Variants in TUBGCP6 observed in about 807,000 individuals in gnomAD.
TUBGCP6 encodes the protein tubulin gamma complex component 6.
TUBGCP6 carries 161 observed loss-of-function variants against 175.8 expected under a neutral mutation model. That is an observed-to-expected ratio of 0.92 (90% CI 0.81 to 1.04). The LOEUF (loss-of-function observed/expected upper bound fraction) is 1.04. TUBGCP6 is among the 50% of genes least tolerant of loss of function. TUBGCP6 has a pLI of 0.00. For missense variants in TUBGCP6, 2,572 were observed against 2,433.0 expected (o/e 1.06, Z -1.20); for synonymous variants, 1,173 against 1,030.5 (o/e 1.14, Z -2.65).
intron 2 of TUBGCP6, among the ~76,000 whole-genome samples, chr22:50,239,022 G>A (rs544789821): frequency 4.2e-4 from 64 of 152,266 alleles, no homozygotes; most frequent in African/African-American, 1.4e-3. Context: ...CAGGCTGCCA[G>A]AGCCCAGCCA....
In TUBGCP6 at chr22:50,244,113, T is replaced by C. The variant is rs777929101; in HGVS notation, c.347A>G (p.Gln116Arg). ...TTGAGGGGGACCACTCCCTGCCAGC[T>C]GAACCAGGAGGTCCAAAACAGACCC... is the stretch of plus-strand genomic sequence containing the variant. ...EVGSVLDLLV[Q>R]LAGSGPPQVL... The change falls in exon 1 of 25, where the codon CAG (glutamine) becomes CGG (arginine). Residue 116 changes from glutamine (Q) to arginine (R), a missense_variant. Gln to Arg is a conservative substitution (Grantham distance 43). Coordinates refer to ENST00000248846, the MANE Select transcript of TUBGCP6 (RefSeq NM_020461.4). 1 of 1,613,690 alleles carries C rather than the reference T, an allele frequency of 6.2e-7. No individual in the cohort carries two copies. Among genetic ancestry groups the C allele is most frequent in the South Asian group, 1.1e-5 (1 of 91,088 alleles).
intron 3 of TUBGCP6, among the ~76,000 whole-genome samples, chr22:50,230,086 C>A (rs1483636915): frequency 3.9e-5 from 6 of 152,026 alleles, no homozygotes; most frequent in African/African-American, 1.5e-4. Context: ...CAAATACCCA[C>A]GTTAGAAAGG....
At chr22:50,223,847 A>C (rs2064565046) in intron 13 of TUBGCP6, 4 of 292,350 alleles carry the variant, frequency 1.4e-5, no homozygotes, top group Admixed American at 9.3e-5. Context: ...AAAATAAATA[A>C]GGAAGGATGT....
At chr22:50,243,679 AC>A (rs745462204) in intron 1 of TUBGCP6, 39 bp downstream of exon 1, 102 of 1,528,538 alleles carry the variant, frequency 6.7e-5, no homozygotes, top group Non-Finnish European at 8.1e-5. Context: ...CATTTTCCAA[AC>A]CCCGAGAGAG....
intron 20 of TUBGCP6, 50 bp from the exon 21 acceptor site, chr22:50,218,947 G>A: frequency 1.3e-6 from 2 of 1,585,144 alleles, no homozygotes; most frequent in South Asian, 2.3e-5. Context: ...CACATGCCTG[G>A]CACTCGCCGG....
chr22:50,244,497 A>G lies in TUBGCP6; in HGVS notation c.-38T>C. 2.5e-6 allele frequency: 4 copies of G among 1,569,806 alleles called. No individual in the cohort carries two copies. The highest frequency in any genetic ancestry group is 3.4e-6 in the Non-Finnish European group (4 of 1,159,972). Reference sequence around the variant, plus strand: ...CTCCGGGCCCCCGGCGTGTGGGAAAACACCTCACCCGGGCTTCACTCACGC... The same window carrying G: ...CTCCGGGCCCCCGGCGTGTGGGAAAGCACCTCACCCGGGCTTCACTCACGC... On this transcript the variant is annotated 5_prime_UTR_variant, in exon 1 of 25. Transcript: ENST00000248846.
In TUBGCP6 at chr22:50,244,506, C is replaced by A; in HGVS notation, c.-47G>T. 1 of 1,545,772 alleles carries A rather than the reference C, an allele frequency of 6.5e-7. No individual in the cohort carries two copies. The highest frequency in any genetic ancestry group is 1.4e-5 in the African/African-American group (1 of 73,532). On this transcript the variant is annotated 5_prime_UTR_variant, in exon 1 of 25. Transcript: ENST00000248846. ...CCCGGCGTGTGGGAAAACACCTCAC[C>A]CGGGCTTCACTCACGCTCCGGAAGA...
At chr22:50,239,779 C>A (rs2064817743) in intron 2 of TUBGCP6, among the ~76,000 whole-genome samples, 1 of 152,218 alleles carries the variant, frequency 6.6e-6, no homozygotes. Context: ...CACCCCATGC[C>A]CAGTGAGCAT....
At chr22:50,234,568 G>C (rs900748108) in intron 2 of TUBGCP6, among the ~76,000 whole-genome samples, 2 of 138,540 alleles carry the variant, frequency 1.4e-5, no homozygotes, top group African/African-American at 5.6e-5. Flanking sequence ...GTCCACGGCA[G>C]CATCGCCCAC....
intron 5 of TUBGCP6, 146 bp from the exon 6 acceptor site, chr22:50,227,223 A>G: frequency 1.4e-6 from 1 of 724,046 alleles, no homozygotes; most frequent in Non-Finnish European, 2.3e-6. Flanking sequence ...AGGCACCCCA[A>G]CCACCCAGAA....
chr22:50,243,081 G>A (rs374367586), intron 1 of TUBGCP6, among the ~76,000 whole-genome samples: 1 of 152,294 alleles, frequency 6.6e-6, no homozygotes, highest in South Asian at 2.1e-4. Context: ...TTGGGAGGCC[G>A]AGACGGGTGG....
In TUBGCP6 at chr22:50,222,322, G is replaced by A. The variant is rs538599183; in HGVS notation, c.2409+132C>T. The A allele has an allele frequency of 3.6e-6, 5 of 1,390,470 alleles. No individual in the cohort carries two copies. The African/African-American group carries it at 4.3e-5, about 12-fold the overall frequency. The allele number at this position is 1,390,470 out of a possible 1,614,324, so 86.1% of individuals were successfully genotyped here. A position where few individuals can be genotyped will look rare whatever the true frequency, so the allele number is the denominator to read the frequency against. ...CAATTTGGTGGCACACGGGGAGAGA[G>A]AGTGCTCTGCCGCAAACGCGAAAGC... On this transcript the variant is annotated intron_variant, in intron 14 of 24. Coordinates refer to ENST00000248846, the MANE Select transcript of TUBGCP6 (RefSeq NM_020461.4).
rs1031333224 is a variant in TUBGCP6 at position 50,244,632 on chromosome 22, T to A, written c.-173A>T. 1 of 1,158,788 alleles carries A rather than the reference T, an allele frequency of 8.6e-7. No homozygotes were observed. The highest frequency in any genetic ancestry group is 1.2e-6 in the Non-Finnish European group (1 of 850,656). The allele number at this position is 1,158,788 out of a possible 1,614,324, so 71.8% of individuals were successfully genotyped here. A position where few individuals can be genotyped will look rare whatever the true frequency, so the allele number is the denominator to read the frequency against. On this transcript the variant is annotated 5_prime_UTR_variant, in exon 1 of 25. Transcript: ENST00000248846. The stretch of plus-strand genomic sequence containing the variant: ...TTTAAAGGAGGTCTTGCGGTTGCTC[T>A]ACTCAGAGTAAACACGCCCTGCCCT...
intron 3 of TUBGCP6, among the ~76,000 whole-genome samples, chr22:50,230,769 CAAA>C (rs544032515): frequency 4.5e-5 from 4 of 89,804 alleles, no homozygotes; most frequent in Non-Finnish European, 9.5e-5. Context: ...ATCCTGTCTC[CAAA>C]AAAAAAAAAA....
intron 1 of TUBGCP6, among the ~76,000 whole-genome samples, chr22:50,241,197 C>T (rs756920701): frequency 6.6e-6 from 1 of 152,156 alleles, no homozygotes. Context: ...CCAGGCCATA[C>T]AGAGACAGGA....
At chr22:50,232,448 C>T (rs1268494706) in intron 3 of TUBGCP6, among the ~76,000 whole-genome samples, 1 of 151,240 alleles carries the variant, frequency 6.6e-6, no homozygotes, top group Admixed American at 6.6e-5. Context: ...GTCCCAGCTA[C>T]ATGGAGGCTA....
In TUBGCP6 at chr22:50,229,324, G is replaced by A. The variant is rs947984452; in HGVS notation, c.1290+80C>T. On this transcript the variant is annotated intron_variant, in intron 4 of 24. Transcript: ENST00000248846. ...GTTTAGACTCTCTGGTCCTGCAGAA[G>A]GACCTCTGAGATTCTCTCTTCCAGG... 2.0e-5 allele frequency: 30 copies of A among 1,486,028 alleles called. No homozygotes were observed. In the Admixed American group the frequency reaches 5.8e-4, roughly 29 times the overall value. 92.1% of individuals were successfully genotyped at this position (1,486,028 alleles called of 1,614,324 possible).
In TUBGCP6 at chr22:50,220,822, A is replaced by C; in HGVS notation, c.3537T>G (p.Ala1179=). The C allele has an allele frequency of 1.3e-6, 2 of 1,599,778 alleles. No individual in the cohort carries two copies. The highest frequency in any genetic ancestry group is 1.7e-6 in the Non-Finnish European group (2 of 1,174,248). The change falls in exon 16 of 25, where the codon GCT becomes GCG. Residue 1179 remains alanine (A), a synonymous_variant. Coordinates refer to ENST00000248846, the MANE Select transcript of TUBGCP6 (RefSeq NM_020461.4). ...ISLGESVSDM[A]PARPRWNTHG... ...GGGTGTTCCACCGTGGCCGGGCGGG[A>C]GCCATGTCTGACACAGACTCCCCCA...
intron 3 of TUBGCP6, 79 bp from the exon 4 acceptor site, chr22:50,229,656 G>C: frequency 2.8e-6 from 4 of 1,449,516 alleles, no homozygotes; most frequent in Non-Finnish European, 3.7e-6. Flanking sequence ...CTCCACCCTT[G>C]CACCCAACCC....
Sources: gnomAD v4.1 joint callset for allele counts (sites outside exome capture counted in the v4.1 genomes callset) on GRCh38, gnomAD v4.1.1 for gene constraint, MANE v1.5 for transcripts, NCBI Gene and HGNC (gene_info 2026-07-23, HGNC 2026-07-21) for gene names.